Variants in ANGPT1 observed in about 807,000 individuals in gnomAD.
ANGPT1 encodes the protein angiopoietin-1.
A neutral mutation model predicts 62.2 loss-of-function variants in ANGPT1; 17 were observed. The ratio of observed to expected loss-of-function variants is 0.27; its 90% CI spans 0.19 to 0.41. The LOEUF is 0.41. ANGPT1 is among the 10% of genes least tolerant of loss of function. The pLI, the probability that ANGPT1 is intolerant of heterozygous loss-of-function variation, is 1.00. For synonymous variants in ANGPT1, 199 were observed against 198.9 expected, an observed-to-expected ratio of 1.00 and a Z score of 0.00; for missense variants, 478 against 594.9, an observed-to-expected ratio of 0.80 and a Z score of 2.04.
chr8:107,294,191 G>A (rs1414459433), intron 5 of ANGPT1, 154 bp from the exon 6 acceptor site: 2 of 472,672 alleles, frequency 4.2e-6, no homozygotes, highest in Non-Finnish European at 7.3e-6. Context: ...TATATTATTG[G>A]TTATTTCTTC....
intron 4 of ANGPT1, among the ~76,000 whole-genome samples, chr8:107,311,153 T>C (rs970633908): frequency 6.6e-5 from 10 of 151,580 alleles, no homozygotes; most frequent in African/African-American, 2.4e-4. Context: ...AATTGGATCA[T>C]TGAAAGTACG....
intron 4 of ANGPT1, among the ~76,000 whole-genome samples, chr8:107,319,010 T>C (rs1815087831): frequency 6.6e-6 from 1 of 152,156 alleles, no homozygotes; most frequent in Non-Finnish European, 1.5e-5. Context: ...CTCCGGGGCA[T>C]TGTATTTAAA....
At chr8:107,484,853 G>T (rs1452740839) in intron 1 of ANGPT1, among the ~76,000 whole-genome samples, 1 of 152,196 alleles carries the variant, frequency 6.6e-6, no homozygotes, top group African/African-American at 2.4e-5. Context: ...TGTATCTCAT[G>T]TAATGCAAGC....
intron 8 of ANGPT1, among the ~76,000 whole-genome samples, chr8:107,258,023 G>T (rs1813411209): frequency 7.0e-6 from 1 of 143,558 alleles, no homozygotes; most frequent in African/African-American, 2.6e-5. Flanking sequence ...ATGAAAAGTT[G>T]TTTATCCTGG....
At chr8:107,279,349 A>G (rs182000898) in intron 7 of ANGPT1, among the ~76,000 whole-genome samples, 30 of 152,340 alleles carry the variant, frequency 2.0e-4, no homozygotes, top group Admixed American at 5.2e-4. Flanking sequence ...AGAACTGGAA[A>G]GATAGGTAAT....
chr8:107,346,984 C>G lies in ANGPT1; in HGVS notation c.411G>C (p.Gln137His), dbSNP rs1815818315. ...TCAGCTTTCTGGTCTGCTCTGCAGT[C>G]TGAGAGAGGAGGCTGGTTCCTATCT... ...MLEIGTSLLSQTAEQTRKLTD... is the reference protein window; with the variant it reads ...MLEIGTSLLSHTAEQTRKLTD... Residue 137 changes from glutamine to histidine, a missense_variant, in exon 2 of 9, where the codon CAG becomes CAC. Transcript: ENST00000517746. 1 of 1,613,876 alleles carries G rather than the reference C, an allele frequency of 6.2e-7. No individual in the cohort carries two copies. Among genetic ancestry groups the G allele is most frequent in the Non-Finnish European group, 8.5e-7 (1 of 1,179,886 alleles).
intron 1 of ANGPT1, among the ~76,000 whole-genome samples, chr8:107,348,871 C>A (rs1815869691): frequency 1.3e-5 from 2 of 152,168 alleles, no homozygotes; most frequent in Admixed American, 1.3e-4. Context: ...CAGGTTCTAA[C>A]TTGTCAAGCC....
chr8:107,397,781 G>C (rs1331947066), intron 1 of ANGPT1, among the ~76,000 whole-genome samples: 1 of 152,046 alleles, frequency 6.6e-6, no homozygotes, highest in Non-Finnish European at 1.5e-5. Flanking sequence ...ACTGGGGTCT[G>C]TTGAGGTCAT....
intron 1 of ANGPT1, among the ~76,000 whole-genome samples, chr8:107,448,537 G>T (rs556901293): frequency 6.6e-6 from 1 of 152,058 alleles, no homozygotes; most frequent in Non-Finnish European, 1.5e-5. Context: ...CTGCTCTTAC[G>T]GTGTATGTTT....
intron 1 of ANGPT1, among the ~76,000 whole-genome samples, chr8:107,418,220 A>G (rs1810804044): frequency 6.6e-6 from 1 of 152,198 alleles, no homozygotes; most frequent in Non-Finnish European, 1.5e-5. Flanking sequence ...GGTGGAAAAC[A>G]GTAATTTACT....
At chr8:107,290,123 T>C (rs1178456810) in intron 6 of ANGPT1, among the ~76,000 whole-genome samples, 1 of 151,970 alleles carries the variant, frequency 6.6e-6, no homozygotes, top group East Asian at 1.9e-4. Flanking sequence ...ATGCCGAGAA[T>C]CCAAAAAGTG....
chr8:107,288,670 A>G (rs898094447), intron 6 of ANGPT1, among the ~76,000 whole-genome samples: 46 of 152,272 alleles, frequency 3.0e-4, no homozygotes, highest in African/African-American at 1.1e-3. Context: ...TTCCAAGTGC[A>G]AACTAAAAAG....
chr8:107,412,174 G>A (rs1810598348), intron 1 of ANGPT1, among the ~76,000 whole-genome samples: 1 of 152,094 alleles, frequency 6.6e-6, no homozygotes, highest in Non-Finnish European at 1.5e-5. Context: ...AGGCTCTCTA[G>A]GCAAACAAGG....
At chr8:107,352,563 G>A (rs1285279877) in intron 1 of ANGPT1, among the ~76,000 whole-genome samples, 1 of 152,090 alleles carries the variant, frequency 6.6e-6, no homozygotes, top group Admixed American at 6.6e-5. Context: ...GTGAGATTAT[G>A]ACATGTCTTG....
intron 1 of ANGPT1, among the ~76,000 whole-genome samples, chr8:107,352,654 C>T (rs1189518996): frequency 6.6e-6 from 1 of 152,118 alleles, no homozygotes; most frequent in Non-Finnish European, 1.5e-5. Flanking sequence ...TCTTAAAGCA[C>T]AAATAATACA....
intron 1 of ANGPT1, among the ~76,000 whole-genome samples, chr8:107,388,056 A>G (rs1232338051): frequency 6.6e-6 from 1 of 151,812 alleles, no homozygotes; most frequent in African/African-American, 2.4e-5. Context: ...TGCTCAATTT[A>G]TAATGAGATG....
At chr8:107,380,640 C>A (rs896941833) in intron 1 of ANGPT1, among the ~76,000 whole-genome samples, 5 of 151,960 alleles carry the variant, frequency 3.3e-5, no homozygotes, top group African/African-American at 7.3e-5. Context: ...TTGTTTCAAC[C>A]AATAGCATGC....
intron 1 of ANGPT1, among the ~76,000 whole-genome samples, chr8:107,446,625 T>C (rs1811629173): frequency 6.6e-6 from 1 of 152,244 alleles, no homozygotes; most frequent in Admixed American, 6.5e-5. Context: ...TTTTAAGCTA[T>C]GGCTTAGCTA....
intron 1 of ANGPT1, among the ~76,000 whole-genome samples, chr8:107,433,188 C>T (rs770200689): frequency 1.3e-5 from 2 of 151,928 alleles, no homozygotes; most frequent in Non-Finnish European, 2.9e-5. Flanking sequence ...TCATTTTGTG[C>T]TAATGAGTCC....
Sources: allele counts gnomAD v4.1 joint callset (sites outside exome capture counted in the v4.1 genomes callset), GRCh38; gene constraint gnomAD v4.1.1; transcripts MANE v1.5; gene names NCBI Gene and HGNC (gene_info 2026-07-23, HGNC 2026-07-21).